The following CLCA2 variants were observed in gnomAD, a reference collection of about 807,000 sequenced individuals.
CLCA2 encodes chloride channel accessory 2.
In CLCA2, 85 loss-of-function variants were observed where a neutral mutation model predicts 82.9. The observed-to-expected ratio is 1.03, with a 90% CI of 0.86 to 1.23. The LOEUF (loss-of-function observed/expected upper bound fraction) is 1.23, where lower values mean the gene tolerates loss of function less well. CLCA2 is among the 50% of genes most tolerant of loss of function. CLCA2 has a pLI of 0.00. For missense variants in CLCA2, 1,089 were observed against 1,124.8 expected (o/e 0.97, Z 0.45); for synonymous variants, 421 against 391.7 (o/e 1.07, Z -0.88).
chr1:86,447,428 C>A, intron 10 of CLCA2, 80 bp from the exon 11 acceptor site: 1 of 1,450,798 alleles, frequency 6.9e-7, no homozygotes, highest in South Asian at 1.3e-5. Context: ...GCAAAATTCT[C>A]CAGAAGTTTT....
rs568257172 is a variant in CLCA2 at position 86,443,893 on chromosome 1, C to A, written c.1595C>A (p.Ala532Asp). The A allele has an allele frequency of 6.8e-6, 11 of 1,613,392 alleles. No homozygotes were observed. The African/African-American group carries it at 9.3e-5, about 14-fold the overall frequency. The change falls in exon 10 of 14, where the codon GCC becomes GAC. Residue 532 changes from alanine (A) to aspartate (D), a missense_variant. Ala to Asp is a moderately radical substitution (Grantham distance 126). Transcript: ENST00000370565. The part of the protein sequence containing the change: ...NDTMFLVTWQ[A>D]SGPPEIILFD... ...ACTATGTTTCTAGTTACGTGGCAGG[C>A]CAGTGGTCCTCCTGAGATTATATTA...
chr1:86,424,504 C>T, intron 1 of CLCA2, 71 bp downstream of exon 1: 1 of 1,310,746 alleles, frequency 7.6e-7, no homozygotes. Flanking sequence ...TAGAAGCTAA[C>T]TACCCTGCCT....
At chr1:86,439,852 C>T (rs2101701437) in intron 7 of CLCA2, among the ~76,000 whole-genome samples, 1 of 152,306 alleles carries the variant, frequency 6.6e-6, no homozygotes, top group Non-Finnish European at 1.5e-5. Flanking sequence ...TGGTCACTTA[C>T]TGGATCTCAG....
chr1:86,455,311 C>G lies in CLCA2; in HGVS notation c.2616C>G (p.Asn872Lys). 1 of 1,614,002 alleles carries G rather than the reference C, an allele frequency of 6.2e-7. No homozygotes were observed. The highest frequency in any genetic ancestry group is 8.5e-7 in the Non-Finnish European group (1 of 1,179,946). Residue 872 changes from asparagine to lysine, a missense_variant, in exon 14 of 14, where the codon AAC becomes AAG. Transcript: ENST00000370565. The part of the protein sequence containing the change: ...IYVAIRAMDR[N>K]SLQSAVSNIA... ...TTGCAATACGAGCAATGGATAGGAA[C>G]TCCTTACAGTCTGCTGTATCTAACA...
chr1:86,434,841 A>G, intron 6 of CLCA2, 96 bp downstream of exon 6: 1 of 998,914 alleles, frequency 1.0e-6, no homozygotes, highest in South Asian at 1.5e-5. Flanking sequence ...GTACATGTGC[A>G]GGACGTTCAA....
chr1:86,449,790 T>C (rs1296247700), intron 11 of CLCA2, among the ~76,000 whole-genome samples: 2 of 152,180 alleles, frequency 1.3e-5, no homozygotes, highest in Non-Finnish European at 2.9e-5. Flanking sequence ...GCAAAAGTGA[T>C]CTATACTTGG....
intron 6 of CLCA2, among the ~76,000 whole-genome samples, chr1:86,437,727 A>T (rs1180807059): frequency 3.3e-5 from 5 of 152,118 alleles, no homozygotes; most frequent in Non-Finnish European, 1.5e-5. Context: ...CTGTTCAAGA[A>T]TATGGAGGCT....
rs777386306 is a variant in CLCA2 at position 86,447,730 on chromosome 1, C to G, written c.1936C>G (p.Pro646Ala). ...LNATVTATVEPETGDPVTLRL... is the reference protein window; with the variant it reads ...LNATVTATVEAETGDPVTLRL... ...TGCCACTGTCACTGCCACAGTTGAG[C>G]CAGAGACTGGAGATCCTGTTACGCT... Residue 646 changes from proline (P) to alanine (A), a missense_variant, in exon 11 of 14, where the codon CCA (proline) becomes GCA (alanine). By Grantham distance (27) the Pro-to-Ala change is conservative. Transcript: ENST00000370565. 6.2e-7 allele frequency: 1 copy of G among 1,613,876 alleles called. No homozygotes were observed. The highest frequency in any genetic ancestry group is 1.1e-5 in the South Asian group (1 of 91,088).
chr1:86,453,337 C>A (rs765569818), intron 12 of CLCA2, 32 bp from the exon 13 acceptor site: 21 of 1,560,500 alleles, frequency 1.3e-5, no homozygotes, highest in Non-Finnish European at 1.8e-5. Context: ...TGTAATTTGT[C>A]ATTTTGCCTT....
At chr1:86,454,284 G>A (rs1663029278) in intron 13 of CLCA2, among the ~76,000 whole-genome samples, 4 of 152,094 alleles carry the variant, frequency 2.6e-5, no homozygotes, top group Admixed American at 2.0e-4. Context: ...TTCTGAATGT[G>A]TTTTGGCCTA....
chr1:86,431,036 C>T, intron 4 of CLCA2, 66 bp downstream of exon 4: 1 of 1,142,796 alleles, frequency 8.8e-7, no homozygotes, highest in Non-Finnish European at 1.3e-6. Flanking sequence ...ATAACTTAAG[C>T]AATTAAATAA....
rs367663152 is a variant in CLCA2 at position 86,432,444 on chromosome 1, G to C, written c.660G>C (p.Lys220Asn). 29 of 1,614,006 alleles carry C rather than the reference G, an allele frequency of 1.8e-5. No homozygotes were observed. The highest frequency in any genetic ancestry group is 2.5e-5 in the Non-Finnish European group (29 of 1,179,980). ...PCPQENCIIS[K>N]LFKEGCTFIY... ...CCCAAGAAAACTGTATTATTAGTAA[G>C]CTTTTTAAAGAAGGATGCACCTTTA... The change falls in exon 5 of 14, where the codon AAG (lysine) becomes AAC (asparagine). Residue 220 changes from lysine (K) to asparagine (N), a missense_variant. By Grantham distance (94) the Lys-to-Asn change is moderately conservative (BLOSUM62 0). Transcript: ENST00000370565.
intron 11 of CLCA2, among the ~76,000 whole-genome samples, chr1:86,449,972 A>T (rs1465924428): frequency 1.3e-5 from 2 of 152,196 alleles, no homozygotes; most frequent in Non-Finnish European, 2.9e-5. Flanking sequence ...GATGCTACCA[A>T]ATTCTGTCAA....
chr1:86,453,688 A>G (rs974460429), intron 13 of CLCA2, 86 bp downstream of exon 13: 13 of 1,176,582 alleles, frequency 1.1e-5, no homozygotes, highest in Non-Finnish European at 1.6e-5. Flanking sequence ...TGAAAAAGGT[A>G]CAGAGGATTG....
rs767653187 is a variant in CLCA2, at chr1:86,447,534, C to T, written c.1740C>T (p.Asn580=). ...CTGGGCACTGGACTTACACCCTGAA[C>T]AATACCCATCATTCTCTGCAAGCCC... ...AKPGHWTYTL[N]NTHHSLQALK... The change falls in exon 11 of 14, where the codon AAC becomes AAT. Residue 580 remains asparagine, a synonymous_variant. Coordinates refer to ENST00000370565, the MANE Select transcript of CLCA2 (RefSeq NM_006536.7). 1.2e-6 allele frequency: 2 copies of T among 1,613,922 alleles called. No homozygotes were observed. The highest frequency in any genetic ancestry group is 1.7e-6 in the Non-Finnish European group (2 of 1,180,006).
intron 4 of CLCA2, among the ~76,000 whole-genome samples, chr1:86,431,488 A>C (rs757337842): frequency 6.0e-4 from 92 of 152,172 alleles, no homozygotes; most frequent in Non-Finnish European, 8.4e-4. Flanking sequence ...GTCATTTCTC[A>C]TACGTGCAGA....
chr1:86,433,190 G>C (rs1226545617), intron 5 of CLCA2, among the ~76,000 whole-genome samples: 1 of 152,230 alleles, frequency 6.6e-6, no homozygotes, highest in Non-Finnish European at 1.5e-5. Context: ...CATAGTCAGA[G>C]AGCATGGAAT....
chr1:86,424,745 G>A (rs1381357803), intron 1 of CLCA2, among the ~76,000 whole-genome samples: 1 of 152,036 alleles, frequency 6.6e-6, no homozygotes, highest in Non-Finnish European at 1.5e-5. Context: ...AACCCATTGT[G>A]GCAACAAAGA....
At chr1:86,447,879 C>CA (rs1662888044) in intron 11 of CLCA2, 101 bp downstream of exon 11, 1 of 1,248,668 alleles carries the variant, frequency 8.0e-7, no homozygotes, top group South Asian at 1.6e-5. Context: ...TCCTTGAGTT[C>CA]AATTTTTTTT....
Sources: allele counts gnomAD v4.1 joint callset (sites outside exome capture counted in the v4.1 genomes callset), GRCh38; gene constraint gnomAD v4.1.1; transcripts MANE v1.5; gene names NCBI Gene and HGNC (gene_info 2026-07-23, HGNC 2026-07-21).